RBM46: variants seen among roughly 807,000 people sequenced by gnomAD.
The protein encoded by RBM46 is probable RNA-binding protein 46.
RBM46 carries 12 observed loss-of-function variants against 43.3 expected under a neutral mutation model. The ratio of observed to expected loss-of-function variants is 0.28; its 90% CI spans 0.18 to 0.45. RBM46 has a LOEUF of 0.45. RBM46 is among the 20% of genes least tolerant of loss of function. The pLI is 1.00. For missense variants in RBM46, 412 were observed against 639.1 expected (o/e 0.64, Z 3.83); for synonymous variants, 205 against 207.6 (o/e 0.99, Z 0.11).
chr4:154,807,434 T>A (rs994236913), intron 4 of RBM46, among the ~76,000 whole-genome samples: 1 of 151,760 alleles, frequency 6.6e-6, no homozygotes, highest in Non-Finnish European at 1.5e-5. Flanking sequence ...TGTTTAATAT[T>A]TAGTAGACAA....
intron 4 of RBM46, chr4:154,820,359 A>G: frequency 6.6e-7 from 1 of 1,518,200 alleles, no homozygotes; most frequent in African/African-American, 1.4e-5. Context: ...TTCACTGCTT[A>G]CAGACAGGGA....
intron 4 of RBM46, among the ~76,000 whole-genome samples, chr4:154,807,483 C>T (rs910314740): frequency 1.3e-5 from 2 of 151,762 alleles, no homozygotes; most frequent in Non-Finnish European, 3.0e-5. Flanking sequence ...TGAATGGACT[C>T]ATGAATAAGG....
chr4:154,820,440 A>AAT, intron 4 of RBM46: 1 of 1,387,370 alleles, frequency 7.2e-7, no homozygotes, highest in Non-Finnish European at 9.8e-7. Flanking sequence ...TTTATTAGGT[A>AAT]AAACTCTCTT....
At chr4:154,799,670 A>G (rs1374645976) in intron 4 of RBM46, 106 bp downstream of exon 4, 1 of 719,302 alleles carries the variant, frequency 1.4e-6, no homozygotes, top group Non-Finnish European at 2.0e-6. Flanking sequence ...GTAAGTATGT[A>G]ACATAAATTT....
At chr4:154,789,612 C>A (rs930226116) in intron 1 of RBM46, among the ~76,000 whole-genome samples, 15 of 152,168 alleles carry the variant, frequency 9.9e-5, no homozygotes, top group African/African-American at 3.6e-4. Flanking sequence ...CAGTGTTCAT[C>A]AGGGATATTG....
intron 4 of RBM46, among the ~76,000 whole-genome samples, chr4:154,806,739 C>T (rs1231676741): frequency 6.6e-6 from 1 of 151,808 alleles, no homozygotes; most frequent in Non-Finnish European, 1.5e-5. Flanking sequence ...ATTTTCTTCT[C>T]TGAATTTGCT....
intron 1 of RBM46, among the ~76,000 whole-genome samples, chr4:154,783,028 C>T (rs1026217040): frequency 6.6e-6 from 1 of 152,128 alleles, no homozygotes; most frequent in Non-Finnish European, 1.5e-5. Context: ...TTATGGGGGT[C>T]TAATAATAGA....
intron 4 of RBM46, chr4:154,827,296 A>G: frequency 2.1e-6 from 2 of 944,948 alleles, no homozygotes; most frequent in African/African-American, 1.8e-5. Flanking sequence ...GATTCATTAT[A>G]CTGTTTTATC....
In RBM46 at chr4:154,827,958, C is replaced by T. The variant is rs746525593; in HGVS notation, c.1493C>T (p.Ser498Leu). The change falls in exon 5 of 5, where the codon TCA (serine) becomes TTA (leucine). Residue 498 changes from serine (S) to leucine (L), a missense_variant. Ser to Leu is a moderately radical substitution (Grantham distance 145, BLOSUM62 -2). This residue lies in a region of RBM46 where 149 missense variants were observed against 156.3 expected (regional missense o/e 0.95). Transcript: ENST00000281722. ...ACTCCCAGCGTGCTTCCTTATACTT[C>T]AAGGCCTTATTCTTATCCAGGCTAT... ...SGTPSVLPYT[S>L]RPYSYPGYPL... is the part of the protein sequence containing the mutation. 1 of 1,613,802 alleles carries T rather than the reference C, an allele frequency of 6.2e-7. No individual in the cohort carries two copies. Among genetic ancestry groups the T allele is most frequent in the Non-Finnish European group, 8.5e-7 (1 of 1,179,732 alleles).
chr4:154,787,980 T>G (rs1733868197), intron 1 of RBM46, among the ~76,000 whole-genome samples: 1 of 152,238 alleles, frequency 6.6e-6, no homozygotes, highest in Admixed American at 6.5e-5. Flanking sequence ...CATAAATGTC[T>G]TCTTTTGAGA....
At chr4:154,808,380 T>C (rs1735012816) in intron 4 of RBM46, among the ~76,000 whole-genome samples, 1 of 152,016 alleles carries the variant, frequency 6.6e-6, no homozygotes, top group Non-Finnish European at 1.5e-5. Flanking sequence ...TTACTTTTTT[T>C]CTTTGTACTT....
Position 154,787,694 on chromosome 4 carries a change from G to T in RBM46, c.-12+6258G>T, listed in dbSNP as rs1006282692. 1.1e-3 allele frequency among the ~76,000 whole-genome samples: 174 copies of T among 152,152 alleles called. 1 individual carries two copies. Among genetic ancestry groups the T allele is most frequent in the African/African-American group, 4.0e-3 (165 of 41,546 alleles). On this transcript the variant is annotated intron_variant, in intron 1 of 4. Transcript: ENST00000281722. The stretch of plus-strand genomic sequence containing the variant: ...CATGATTTATAATCCTTTGGGTATA[G>T]ACCCAGTAATGGGATGGCTGGGTCA...
chr4:154,792,468 C>T (rs12645089), intron 1 of RBM46, among the ~76,000 whole-genome samples: 72 of 152,084 alleles, frequency 4.7e-4, no homozygotes, highest in Non-Finnish European at 4.0e-4. Context: ...TCTCTCCTTC[C>T]GTGTCTCATT....
Position 154,797,839 on chromosome 4 carries a change from C to A in RBM46, c.180C>A (p.Gly60=). Residue 60 remains glycine, a synonymous_variant, in exon 3 of 5, where the codon GGC becomes GGA. Coordinates refer to ENST00000281722, the MANE Select transcript of RBM46 (RefSeq NM_144979.5). ...GGGAAGGTCCACCTCCACCTAGAGGCTGTGAAGTTTTTGTAGGAAAAATAC... is the reference window on the plus strand; with the variant it reads ...GGGAAGGTCCACCTCCACCTAGAGGATGTGAAGTTTTTGTAGGAAAAATAC... ...PGWEGPPPPR[G]CEVFVGKIPR... is the part of the protein sequence containing the mutation. 6.4e-7 allele frequency: 1 copy of A among 1,554,690 alleles called. No homozygotes were observed. Among genetic ancestry groups the A allele is most frequent in the Non-Finnish European group, 8.7e-7 (1 of 1,154,790 alleles).
intron 3 of RBM46, 45 bp downstream of exon 3, chr4:154,798,323 T>G: frequency 8.2e-7 from 1 of 1,223,258 alleles, no homozygotes; most frequent in Non-Finnish European, 1.1e-6. Flanking sequence ...ATTACAAATA[T>G]GGAGAGATGA....
intron 4 of RBM46, among the ~76,000 whole-genome samples, chr4:154,823,221 A>G (rs1437115156): frequency 6.6e-6 from 1 of 151,922 alleles, no homozygotes; most frequent in Non-Finnish European, 1.5e-5. Context: ...GTCTGTAGAA[A>G]TACAAAGGCT....
At chr4:154,796,342 G>A (rs1364227680) in intron 1 of RBM46, among the ~76,000 whole-genome samples, 1 of 152,144 alleles carries the variant, frequency 6.6e-6, no homozygotes, top group Non-Finnish European at 1.5e-5. Context: ...AATCCAGTTG[G>A]CTTAGATGAT....
intron 4 of RBM46, among the ~76,000 whole-genome samples, chr4:154,804,338 A>G (rs894673181): frequency 6.6e-6 from 1 of 152,220 alleles, no homozygotes; most frequent in African/African-American, 2.4e-5. Flanking sequence ...AGTCTTTTCT[A>G]TCTTCACAAT....
rs777583403 is a variant in RBM46, at chr4:154,827,859, T to C, written c.1403-9T>C. 1 of 1,613,532 alleles carries C rather than the reference T, an allele frequency of 6.2e-7. No homozygotes were observed. The highest frequency in any genetic ancestry group is 8.5e-7 in the Non-Finnish European group (1 of 1,179,484). ...TGTACAGCATAATTGTTCATGTATT[T>C]ATTTACAGACTACAATTTCCATCGC... On this transcript the variant is annotated splice_polypyrimidine_tract_variant and intron_variant, in intron 4 of 4. Coordinates refer to ENST00000281722, the MANE Select transcript of RBM46 (RefSeq NM_144979.5).
Sources: gnomAD v4.1 joint callset for allele counts (sites outside exome capture counted in the v4.1 genomes callset) on GRCh38, gnomAD v4.1.1 for gene constraint, gnomAD v4.1.1 regional missense constraint, MANE v1.5 for transcripts, NCBI Gene and HGNC (gene_info 2026-07-23, HGNC 2026-07-21) for gene names.